Variants in BTG4 observed in about 807,000 individuals in gnomAD.
BTG4 encodes protein BTG4.
In BTG4, 10 loss-of-function variants were observed where a neutral mutation model predicts 19.3. That is an observed-to-expected ratio of 0.52 (90% confidence interval 0.32 to 0.88). BTG4 has a LOEUF of 0.88. Ranked by LOEUF, BTG4 falls within the 40% of genes least tolerant of loss-of-function variation. BTG4 has a pLI of 0.04. For synonymous variants in BTG4, 91 were observed against 95.7 expected, an observed-to-expected ratio of 0.95 and a Z score of 0.29; for missense variants, 238 against 281.9, an observed-to-expected ratio of 0.84 and a Z score of 1.11.
rs76943163 is a variant in BTG4, at chr11:111,476,450, A to G, written c.663-8769T>C. On this transcript the variant is annotated intron_variant, in intron 5 of 5. Coordinates refer to the BTG4 transcript ENST00000356018. ...AAAATAAAAACAGTGAAATAACATG[A>G]AAAGAAGATTTACAATTAAGTTAAA... Among the ~76,000 whole-genome samples the G allele has an allele frequency of 3.1e-3, 471 of 152,280 alleles. 21 individuals are homozygous for G. In the East Asian group the frequency reaches 0.075, roughly 24 times the overall value.
the BTG4 span, among the ~76,000 whole-genome samples, chr11:111,442,528 ACACACACACACACACACC>A: frequency 6.6e-6 from 1 of 150,890 alleles, no homozygotes; most frequent in Non-Finnish European, 1.5e-5. Context: ...ACACACACAC[ACACACACACACACACACC>A]AGATGAGCCT....
At chr11:111,455,851 G>T in the BTG4 span, 1 of 455,706 alleles carries the variant, frequency 2.2e-6, no homozygotes, top group East Asian at 7.0e-5. Context: ...TCTGGGCACC[G>T]GCACTGGGGC....
chr11:111,486,047 C>G (rs186720614), intron 5 of BTG4, among the ~76,000 whole-genome samples: 48 of 152,250 alleles, frequency 3.2e-4, no homozygotes, highest in African/African-American at 1.1e-3. Flanking sequence ...TGAAGAGATC[C>G]AAAACCTGAA....
At chr11:111,463,514 T>C (rs1052760925), downstream of BTG4, 11 of 152,680 alleles carry the variant, frequency 7.2e-5, no homozygotes, top group African/African-American at 2.7e-4. Flanking sequence ...TATTCCAGCG[T>C]TGTCTTCTGC....
At chr11:111,478,928 A>G (rs1388778390) in intron 5 of BTG4, among the ~76,000 whole-genome samples, 1 of 151,242 alleles carries the variant, frequency 6.6e-6, no homozygotes, top group Non-Finnish European at 1.5e-5. Context: ...AAGAGAAAAG[A>G]AAGGGGTAGG....
chr11:111,420,110 C>T, the BTG4 span, among the ~76,000 whole-genome samples: 1 of 152,316 alleles, frequency 6.6e-6, no homozygotes, highest in East Asian at 1.9e-4. Context: ...AAGCTGTAGT[C>T]CAGTTCTCTC....
chr11:111,441,278 C>T, the BTG4 span, among the ~76,000 whole-genome samples: 5 of 151,988 alleles, frequency 3.3e-5, no homozygotes, highest in African/African-American at 1.2e-4. Flanking sequence ...TCTCAGGGCT[C>T]TGGGGAGTAG....
At chr11:111,386,007 A>T in the BTG4 span, 1 of 152,188 alleles carries the variant, frequency 6.6e-6, no homozygotes, top group Non-Finnish European at 1.5e-5. Context: ...CCACAAAAAA[A>T]TTTAAAAATT....
the BTG4 span, among the ~76,000 whole-genome samples, chr11:111,396,243 T>C: frequency 2.0e-5 from 3 of 152,238 alleles, no homozygotes; most frequent in Admixed American, 1.3e-4. Context: ...CCTCCTGTTA[T>C]ATGTAACTTG....
the BTG4 span, among the ~76,000 whole-genome samples, chr11:111,429,237 C>T: frequency 6.6e-6 from 1 of 152,120 alleles, no homozygotes; most frequent in African/African-American, 2.4e-5. Flanking sequence ...ACTGACAAAG[C>T]TTAACATCAC....
chr11:111,454,410 G>A, the BTG4 span: 2 of 424,490 alleles, frequency 4.7e-6, no homozygotes, highest in Non-Finnish European at 9.2e-6. Context: ...GAACATGTGG[G>A]GCTAGAAAGA....
At chr11:111,454,365 G>A in the BTG4 span, 2 of 452,066 alleles carry the variant, frequency 4.4e-6, no homozygotes, top group Non-Finnish European at 8.9e-6. Flanking sequence ...GAGGTAACTG[G>A]CAGCTCCAGG....
chr11:111,420,363 C>G, the BTG4 span, among the ~76,000 whole-genome samples: 1 of 152,202 alleles, frequency 6.6e-6, no homozygotes, highest in Non-Finnish European at 1.5e-5. Context: ...AGATCATAGC[C>G]AACAATCCTC....
downstream of BTG4, among the ~76,000 whole-genome samples, chr11:111,465,426 A>G (rs960878787): frequency 1.3e-5 from 2 of 152,236 alleles, no homozygotes; most frequent in African/African-American, 4.8e-5. Flanking sequence ...TAAAAATTTT[A>G]TGGAGTGCTT....
At chr11:111,402,859 T>A in the BTG4 span, among the ~76,000 whole-genome samples, 1 of 67,410 alleles carries the variant, frequency 1.5e-5, no homozygotes, top group African/African-American at 4.0e-5. Context: ...AAGACCAAAT[T>A]AATAATAATA....
upstream of BTG4, among the ~76,000 whole-genome samples, chr11:111,512,616 G>A (rs1008515697): frequency 2.6e-5 from 4 of 152,188 alleles, no homozygotes; most frequent in African/African-American, 9.7e-5. Context: ...GGAAAAGCGA[G>A]GGGAACCTGA....
chr11:111,484,314 C>A (rs1864920555), intron 5 of BTG4, among the ~76,000 whole-genome samples: 1 of 152,072 alleles, frequency 6.6e-6, no homozygotes. Flanking sequence ...AAAATAAATA[C>A]ACTAACACTG....
chr11:111,394,432 T>A, the BTG4 span, among the ~76,000 whole-genome samples: 1 of 152,236 alleles, frequency 6.6e-6, no homozygotes, highest in South Asian at 2.1e-4. Flanking sequence ...GACGGTTTTA[T>A]AAGGGGAAAC....
chr11:111,398,616 G>T, the BTG4 span, among the ~76,000 whole-genome samples: 2 of 151,960 alleles, frequency 1.3e-5, no homozygotes, highest in African/African-American at 4.8e-5. Context: ...ACCATGCCCG[G>T]CTAATTTTTT....
Sources: allele counts gnomAD v4.1 joint callset (sites outside exome capture counted in the v4.1 genomes callset), GRCh38; gene constraint gnomAD v4.1.1; transcripts MANE v1.5; gene names NCBI Gene and HGNC (gene_info 2026-07-23, HGNC 2026-07-21).